ATP2A2: variants seen among roughly 807,000 people sequenced by gnomAD.
The protein encoded by ATP2A2 is sarcoplasmic/endoplasmic reticulum calcium ATPase 2.
ATP2A2 carries 14 observed loss-of-function variants against 109.3 expected under a neutral mutation model. That is an observed-to-expected ratio of 0.13 (90% confidence interval 0.08 to 0.20). ATP2A2 has a LOEUF of 0.20. Ranked by LOEUF, ATP2A2 falls within the 10% of genes least tolerant of loss-of-function variation. ATP2A2 has a pLI of 1.00. For missense variants in ATP2A2, 657 were observed against 1,321.6 expected (o/e 0.50, Z 7.80); for synonymous variants, 506 against 490.9 (o/e 1.03, Z -0.41).
At chr12:110,321,631 C>T (rs904792304) in intron 5 of ATP2A2, among the ~76,000 whole-genome samples, 2 of 152,160 alleles carry the variant, frequency 1.3e-5, no homozygotes, top group African/African-American at 2.4e-5. Context: ...GACAGGTTTT[C>T]GCCATGTTGG....
rs1260963887 is a variant in ATP2A2, at chr12:110,293,824, A to ATGTG, written c.324+1701_324+1702insGTGT. The stretch of plus-strand genomic sequence containing the variant: ...TTAGAGATTTGTAATTGTGCCATAT[A>ATGTG]TATGTGTGTGTGTGTGTGTGTGTGT... On this transcript the variant is annotated intron_variant, in intron 4 of 19. Transcript: ENST00000539276. 1.3e-3 allele frequency among the ~76,000 whole-genome samples: 169 copies of ATGTG among 126,410 alleles called. 1 individual carries two copies. Among genetic ancestry groups the ATGTG allele is most frequent in the Middle Eastern group, 8.3e-3 (2 of 242 alleles). 82.9% of individuals were successfully genotyped at this position (126,410 alleles called of 152,430 possible).
At chr12:110,282,301 T>A (rs1872204368) in intron 1 of ATP2A2, among the ~76,000 whole-genome samples, 1 of 152,152 alleles carries the variant, frequency 6.6e-6, no homozygotes, top group Non-Finnish European at 1.5e-5. Flanking sequence ...AAGTTACACA[T>A]CTGGCAGAAG....
In ATP2A2 at chr12:110,348,837, G is replaced by T; in HGVS notation, c.*2367G>T. The stretch of plus-strand genomic sequence containing the variant: ...ATTTTGCCAGTTTGAGCATCATGAG[G>T]TGTAACAAGAAATGGGTTGAATGGG... On this transcript the variant is annotated 3_prime_UTR_variant, in exon 20 of 20. Transcript: ENST00000539276. 8.1e-6 allele frequency: 8 copies of T among 985,454 alleles called. No individual in the cohort carries two copies. The highest frequency in any genetic ancestry group is 9.6e-6 in the Non-Finnish European group (8 of 829,952). The allele number at this position is 985,454 out of a possible 1,614,324, so 61.0% of individuals were successfully genotyped here.
At chr12:110,333,002 C>A (rs1346129020) in intron 9 of ATP2A2, among the ~76,000 whole-genome samples, 179 bp from the exon 10 acceptor site, 1 of 151,954 alleles carries the variant, frequency 6.6e-6, no homozygotes, top group Non-Finnish European at 1.5e-5. Flanking sequence ...ACCAGAGATG[C>A]ATTCTCTCTT....
intron 6 of ATP2A2, among the ~76,000 whole-genome samples, chr12:110,324,312 T>C (rs1877542451): frequency 6.6e-6 from 1 of 152,202 alleles, no homozygotes; most frequent in African/African-American, 2.4e-5. Context: ...AAAATTCTCA[T>C]TAGCAACAAC....
chr12:110,348,047 C>T lies in ATP2A2; in HGVS notation c.*1577C>T. 2.0e-6 allele frequency: 2 copies of T among 986,490 alleles called. No homozygotes were observed. Among genetic ancestry groups the T allele is most frequent in the East Asian group, 1.1e-4 (1 of 8,840 alleles). 61.1% of individuals were successfully genotyped at this position (986,490 alleles called of 1,614,324 possible). A position where few individuals can be genotyped will look rare whatever the true frequency, so the allele number is the denominator to read the frequency against. On this transcript the variant is annotated 3_prime_UTR_variant, in exon 20 of 20. Transcript: ENST00000539276. ...GATGACCAGGAGGGCCCAAGCCAGA[C>T]AAAAGCCGGAGTGGGGAGAGAGGCA...
intron 5 of ATP2A2, among the ~76,000 whole-genome samples, chr12:110,299,275 A>ATT (rs1180420792): frequency 6.6e-6 from 1 of 151,774 alleles, no homozygotes; most frequent in Non-Finnish European, 1.5e-5. Context: ...CCTGGCCCAC[A>ATT]TTTTTTTTAA....
Position 110,348,694 on chromosome 12 carries a change from G to A in ATP2A2, c.*2224G>A. ...AAACCAGCCTGGGCAACAGAGTGAGGCCCTGTCAAAAAAAAATCAGCCTTA... is the reference window on the plus strand; with the variant it reads ...AAACCAGCCTGGGCAACAGAGTGAGACCCTGTCAAAAAAAAATCAGCCTTA... On this transcript the variant is annotated 3_prime_UTR_variant, in exon 20 of 20. Coordinates refer to ENST00000539276, the MANE Select transcript of ATP2A2 (RefSeq NM_170665.4). 1.0e-6 allele frequency: 1 copy of A among 985,322 alleles called. No individual in the cohort carries two copies. Among genetic ancestry groups the A allele is most frequent in the African/African-American group, 1.7e-5 (1 of 57,304 alleles). The allele number at this position is 985,322 out of a possible 1,614,324, so 61.0% of individuals were successfully genotyped here.
intron 5 of ATP2A2, among the ~76,000 whole-genome samples, chr12:110,321,426 A>G (rs919883882): frequency 2.0e-5 from 3 of 152,204 alleles, no homozygotes; most frequent in African/African-American, 4.8e-5. Flanking sequence ...AAGACTTACA[A>G]ACCACCTTAA....
intron 5 of ATP2A2, among the ~76,000 whole-genome samples, chr12:110,313,813 C>G (rs1004738321): frequency 6.7e-6 from 1 of 148,742 alleles, no homozygotes; most frequent in African/African-American, 2.5e-5. Context: ...TGGGTTCAAG[C>G]GATTCTTCTG....
At position 110,346,085 on chromosome 12, in the gene ATP2A2, C is replaced by T. The variant is rs1360898588; in HGVS notation, c.2826C>T (p.Leu942=). The T allele has an allele frequency of 6.8e-6, 11 of 1,614,186 alleles. No individual in the cohort carries two copies. Among genetic ancestry groups the T allele is most frequent in the Non-Finnish European group, 9.3e-6 (11 of 1,180,038 alleles). ...GCTCCATCTGCCTGTCCATGTCACT[C>T]CACTTCCTGATCCTCTATGTCGAAC... The part of the protein sequence containing the change: ...LVGSICLSMS[L]HFLILYVEPL... The change falls in exon 19 of 20, where the codon CTC becomes CTT. Residue 942 remains leucine, a synonymous_variant. Coordinates refer to ENST00000539276, the MANE Select transcript of ATP2A2 (RefSeq NM_170665.4).
chr12:110,300,069 TC>T (rs1251369383), intron 5 of ATP2A2, among the ~76,000 whole-genome samples: 1 of 150,604 alleles, frequency 6.6e-6, no homozygotes. Flanking sequence ...AGCAGCTCCT[TC>T]CGTCAGTCTG....
chr12:110,344,839 G>C, intron 16 of ATP2A2, 47 bp from the exon 17 acceptor site: 1 of 1,579,152 alleles, frequency 6.3e-7, no homozygotes, highest in Non-Finnish European at 8.7e-7. Flanking sequence ...CGGTGGCAGC[G>C]AGCCCTGCAG....
intron 5 of ATP2A2, among the ~76,000 whole-genome samples, chr12:110,322,014 G>A (rs1014707874): frequency 2.6e-5 from 4 of 151,656 alleles, no homozygotes; most frequent in Admixed American, 6.6e-5. Context: ...TTTATGAGAC[G>A]GAGTCTCGCT....
chr12:110,344,794 A>T, intron 16 of ATP2A2, 92 bp from the exon 17 acceptor site: 1 of 1,258,364 alleles, frequency 7.9e-7, no homozygotes, highest in Non-Finnish European at 1.2e-6. Flanking sequence ...CATGTCTTTG[A>T]TCTTCGTCCT....
rs531056232 is a variant in ATP2A2 at position 110,323,170 on chromosome 12, C to T, written c.544+98C>T. ...GCCTCACTGTCCCTTTATGGTATCC[C>T]ATCTTAATCCTCTCTAAGATACTTA... On this transcript the variant is annotated intron_variant, in intron 6 of 19. Transcript: ENST00000539276. 63 of 901,630 alleles carry T rather than the reference C, an allele frequency of 7.0e-5. No homozygotes were observed. In the African/African-American group the frequency reaches 9.3e-4, roughly 13 times the overall value. 55.9% of individuals were successfully genotyped at this position (901,630 alleles called of 1,614,324 possible). A position where few individuals can be genotyped will look rare whatever the true frequency, so the allele number is the denominator to read the frequency against.
At chr12:110,314,521 C>T (rs1876451484) in intron 5 of ATP2A2, among the ~76,000 whole-genome samples, 1 of 152,070 alleles carries the variant, frequency 6.6e-6, no homozygotes, top group Non-Finnish European at 1.5e-5. Context: ...TTAGAAATAA[C>T]TAGATAGCCA....
At chr12:110,328,710 T>C (rs888303670) in intron 8 of ATP2A2, among the ~76,000 whole-genome samples, 1 of 152,132 alleles carries the variant, frequency 6.6e-6, no homozygotes, top group Non-Finnish European at 1.5e-5. Context: ...CAACCACAAG[T>C]GCATGCCACC....
intron 6 of ATP2A2, 32 bp from the exon 7 acceptor site, chr12:110,326,358 G>A: frequency 6.3e-7 from 1 of 1,587,178 alleles, no homozygotes; most frequent in Non-Finnish European, 8.6e-7. Context: ...GGGTCGCAGA[G>A]ATCTGTTTTT....
Sources: allele counts gnomAD v4.1 joint callset (sites outside exome capture counted in the v4.1 genomes callset), GRCh38; gene constraint gnomAD v4.1.1; transcripts MANE v1.5; gene names NCBI Gene and HGNC (gene_info 2026-07-23, HGNC 2026-07-21).